TPST1: variants seen among roughly 807,000 people sequenced by gnomAD.
TPST1 encodes protein-tyrosine sulfotransferase 1.
Under a neutral mutation model 34.8 loss-of-function variants are expected in TPST1, and 20 were observed. That is an observed-to-expected ratio of 0.57 (90% CI 0.40 to 0.84). The LOEUF is 0.84. Among genes scored for constraint, TPST1 ranks in the 40% least tolerant of loss-of-function variants. The pLI, the probability that TPST1 is intolerant of heterozygous loss-of-function variation, is 0.00. For synonymous variants in TPST1, 152 were observed against 159.4 expected, an observed-to-expected ratio of 0.95 and a Z score of 0.35; for missense variants, 353 against 455.5, an observed-to-expected ratio of 0.78 and a Z score of 2.05.
At chr7:66,280,261 T>G (rs756872907) in intron 2 of TPST1, among the ~76,000 whole-genome samples, 4 of 152,238 alleles carry the variant, frequency 2.6e-5, no homozygotes, top group Non-Finnish European at 4.4e-5. Context: ...TTGGGCTGTT[T>G]TCTCATAGAA....
chr7:66,324,304 T>C (rs2116222362), intron 3 of TPST1, among the ~76,000 whole-genome samples: 1 of 152,308 alleles, frequency 6.6e-6, no homozygotes, highest in South Asian at 2.1e-4. Context: ...GGATACATTA[T>C]GACTAGAAGG....
chr7:66,241,859 A>G (rs943729468), intron 2 of TPST1, among the ~76,000 whole-genome samples: 1 of 152,228 alleles, frequency 6.6e-6, no homozygotes. Flanking sequence ...CAAGGCCAGA[A>G]TTCGAATCTG....
At chr7:66,265,663 C>T (rs187276973) in intron 2 of TPST1, among the ~76,000 whole-genome samples, 11 of 152,166 alleles carry the variant, frequency 7.2e-5, no homozygotes, top group African/African-American at 2.6e-4. Context: ...CAGTAAACTC[C>T]AAGCAGGATA....
Position 66,215,590 on chromosome 7 carries a change from G to A in TPST1, c.-102+10068G>A, listed in dbSNP as rs1789381278. ...GGGGTTTCACCATGTTAGCCAGGAT[G>A]GTCTCGATCTCCTGACCTCGTGATC... is the stretch of plus-strand genomic sequence containing the variant. On this transcript the variant is annotated intron_variant, in intron 1 of 5. Transcript: ENST00000304842. Among the ~76,000 whole-genome samples, 3 of 151,646 alleles carry A rather than the reference G, an allele frequency of 2.0e-5. No homozygotes were observed. The South Asian group carries it at 6.2e-4, about 31-fold the overall frequency.
intron 3 of TPST1, among the ~76,000 whole-genome samples, chr7:66,330,202 A>G (rs1208342246): frequency 6.6e-6 from 1 of 152,236 alleles, no homozygotes. Context: ...GATGGAATTA[A>G]GGAATTTTAG....
At chr7:66,199,235 A>T in the TPST1 span, among the ~76,000 whole-genome samples, 1 of 151,500 alleles carries the variant, frequency 6.6e-6, no homozygotes, top group Admixed American at 6.6e-5. Flanking sequence ...CGTCCATCCA[A>T]ACATCCATCC....
chr7:66,294,743 A>T (rs1040222373), intron 3 of TPST1, among the ~76,000 whole-genome samples: 3 of 151,902 alleles, frequency 2.0e-5, no homozygotes, highest in Non-Finnish European at 4.4e-5. Flanking sequence ...TTTCTTATTT[A>T]TTTACACATA....
At chr7:66,264,383 C>T (rs1790549583) in intron 2 of TPST1, among the ~76,000 whole-genome samples, 1 of 152,192 alleles carries the variant, frequency 6.6e-6, no homozygotes, top group Admixed American at 6.5e-5. Context: ...AAGACTTCTA[C>T]CTCTCGCTGA....
chr7:66,359,753 C>T (rs1309662705), intron 5 of TPST1, 142 bp from the exon 6 acceptor site: 5 of 395,472 alleles, frequency 1.3e-5, no homozygotes, highest in African/African-American at 4.1e-5. Flanking sequence ...TCTCAACATC[C>T]ATCCTCCTGG....
intron 4 of TPST1, chr7:66,352,959 T>A (rs1247151381): frequency 5.5e-5 from 54 of 985,276 alleles, no homozygotes; most frequent in Non-Finnish European, 6.0e-5. Context: ...ACTTTTCTCA[T>A]TTGGAGCCCA....
At chr7:66,315,703 A>T (rs957712772) in intron 3 of TPST1, among the ~76,000 whole-genome samples, 1 of 152,232 alleles carries the variant, frequency 6.6e-6, no homozygotes, top group African/African-American at 2.4e-5. Context: ...TTCTTGCCAC[A>T]TGAATTTGTC....
At chr7:66,258,350 T>G (rs1231922881) in intron 2 of TPST1, among the ~76,000 whole-genome samples, 1 of 152,224 alleles carries the variant, frequency 6.6e-6, no homozygotes, top group Non-Finnish European at 1.5e-5. Flanking sequence ...CCACAAGTTT[T>G]CTCACCTGTG....
intron 3 of TPST1, among the ~76,000 whole-genome samples, chr7:66,347,739 T>C (rs942449369): frequency 1.3e-5 from 2 of 152,220 alleles, no homozygotes; most frequent in African/African-American, 4.8e-5. Context: ...TTCATAGCTA[T>C]TGTAAATGGG....
intron 2 of TPST1, among the ~76,000 whole-genome samples, chr7:66,255,301 C>T (rs1319285698): frequency 6.6e-6 from 1 of 152,102 alleles, no homozygotes; most frequent in African/African-American, 2.4e-5. Flanking sequence ...TGTTGCTAAA[C>T]ATCCTGCAAT....
intron 1 of TPST1, among the ~76,000 whole-genome samples, chr7:66,219,416 A>G (rs1190115900): frequency 6.6e-6 from 1 of 152,214 alleles, no homozygotes; most frequent in Non-Finnish European, 1.5e-5. Context: ...GCCTCCGTAT[A>G]TATCTGTTAT....
intron 4 of TPST1, chr7:66,352,795 A>G: frequency 2.0e-6 from 2 of 985,446 alleles, no homozygotes; most frequent in Non-Finnish European, 2.4e-6. Context: ...CCAGGGAAAT[A>G]CTTTATTGAT....
chr7:66,354,126 G>A (rs2116396787), intron 4 of TPST1, among the ~76,000 whole-genome samples: 1 of 152,260 alleles, frequency 6.6e-6, no homozygotes, highest in South Asian at 2.1e-4. Context: ...GGGAAAGAAA[G>A]ACCTCAAGGA....
At chr7:66,353,800 G>C (rs1792528889) in intron 4 of TPST1, among the ~76,000 whole-genome samples, 1 of 152,232 alleles carries the variant, frequency 6.6e-6, no homozygotes, top group East Asian at 1.9e-4. Context: ...GTTCCAGATA[G>C]AGGTTGGTGA....
intron 3 of TPST1, among the ~76,000 whole-genome samples, chr7:66,309,048 A>G (rs1791479568): frequency 6.6e-6 from 1 of 152,104 alleles, no homozygotes. Flanking sequence ...CAGGTGCCCG[A>G]CACCATGCCC....
Sources: gnomAD v4.1 joint callset for allele counts (sites outside exome capture counted in the v4.1 genomes callset) on GRCh38, gnomAD v4.1.1 for gene constraint, MANE v1.5 for transcripts, NCBI Gene and HGNC (gene_info 2026-07-23, HGNC 2026-07-21) for gene names.